Variants in SSBP2 observed in about 807,000 individuals in gnomAD.
The protein encoded by SSBP2 is single stranded DNA binding protein 2.
In SSBP2, 17 loss-of-function variants were observed where a neutral mutation model predicts 61.8. The ratio of observed to expected loss-of-function variants is 0.28; its 90% confidence interval spans 0.19 to 0.41. The LOEUF (loss-of-function observed/expected upper bound fraction) is 0.41. SSBP2 is among the 10% of genes least tolerant of loss of function. SSBP2 has a pLI of 1.00. For missense variants in SSBP2, 310 were observed against 458.7 expected, an observed-to-expected ratio of 0.68 and a Z score of 2.96; for synonymous variants, 139 against 141.3, an observed-to-expected ratio of 0.98 and a Z score of 0.12.
rs1761530468 is a variant in SSBP2, at chr5:81,420,503, A to C, written c.*1T>G. The C allele has an allele frequency of 6.2e-7, 1 of 1,613,804 alleles. No individual in the cohort carries two copies. Among genetic ancestry groups the C allele is most frequent in the Non-Finnish European group, 8.5e-7 (1 of 1,179,736 alleles). ...TTTTCATGAGGAGACTTGGTAATGG[A>C]TCACACGCTCATTGTCATGCTAGGG... On this transcript the variant is annotated 3_prime_UTR_variant, in exon 17 of 17. Coordinates refer to ENST00000320672, the MANE Select transcript of SSBP2 (RefSeq NM_012446.5).
intron 1 of SSBP2, among the ~76,000 whole-genome samples, chr5:81,735,109 G>A (rs1005424497): frequency 6.6e-6 from 1 of 152,010 alleles, no homozygotes; most frequent in Non-Finnish European, 1.5e-5. Flanking sequence ...AACAGCAATG[G>A]CTGCAAACTT....
intron 1 of SSBP2, among the ~76,000 whole-genome samples, chr5:81,702,418 G>A (rs571639950): frequency 6.6e-6 from 1 of 152,124 alleles, no homozygotes; most frequent in Admixed American, 6.5e-5. Flanking sequence ...TTTAGAAGAG[G>A]ACAAAAGCTA....
intron 4 of SSBP2, among the ~76,000 whole-genome samples, chr5:81,518,530 A>C (rs552755727): frequency 5.3e-5 from 8 of 152,228 alleles, no homozygotes; most frequent in Non-Finnish European, 1.0e-4. Context: ...CTGGTGCCTT[A>C]ATCTTGGACT....
At chr5:81,568,382 G>C (rs1161939172) in intron 4 of SSBP2, among the ~76,000 whole-genome samples, 1 of 152,152 alleles carries the variant, frequency 6.6e-6, no homozygotes, top group Non-Finnish European at 1.5e-5. Flanking sequence ...TGTAAGATGA[G>C]ACTTGCCTCC....
chr5:81,627,655 C>T (rs1361897890), intron 3 of SSBP2, among the ~76,000 whole-genome samples: 4 of 152,098 alleles, frequency 2.6e-5, no homozygotes, highest in Non-Finnish European at 4.4e-5. Flanking sequence ...TTAGAATAAT[C>T]TTATATTTTA....
At chr5:81,736,599 A>G (rs1484540521) in intron 1 of SSBP2, among the ~76,000 whole-genome samples, 1 of 152,056 alleles carries the variant, frequency 6.6e-6, no homozygotes, top group African/African-American at 2.4e-5. Context: ...TTATATGGTT[A>G]TTTTTATTTT....
intron 10 of SSBP2, among the ~76,000 whole-genome samples, chr5:81,457,946 G>A (rs1764277901): frequency 2.0e-5 from 3 of 152,138 alleles, no homozygotes; most frequent in Admixed American, 2.0e-4. Context: ...ACAGGTGTGA[G>A]CCACTGCACC....
intron 4 of SSBP2, among the ~76,000 whole-genome samples, chr5:81,531,044 ACAAAACCAAAC>A (rs1561507844): frequency 6.6e-6 from 1 of 151,814 alleles, no homozygotes. Context: ...CCCTATTTCT[ACAAAACCAAAC>A]CAAAACCAAA....
chr5:81,666,112 C>T (rs939805680), intron 1 of SSBP2, among the ~76,000 whole-genome samples: 1 of 152,076 alleles, frequency 6.6e-6, no homozygotes, highest in Non-Finnish European at 1.5e-5. Context: ...TTTTTAAGTT[C>T]CTCATTATTA....
At chr5:81,510,808 C>T (rs1053407310) in intron 5 of SSBP2, among the ~76,000 whole-genome samples, 1 of 152,086 alleles carries the variant, frequency 6.6e-6, no homozygotes, top group African/African-American at 2.4e-5. Flanking sequence ...CTCCTAAATT[C>T]TCTCCCTATC....
chr5:81,675,568 CATTT>C (rs1751907221), intron 1 of SSBP2, among the ~76,000 whole-genome samples: 1 of 152,164 alleles, frequency 6.6e-6, no homozygotes, highest in African/African-American at 2.4e-5. Context: ...CTTCAAACTT[CATTT>C]ATTTAAGAGG....
At chr5:81,444,689 C>T (rs1305841858) in intron 12 of SSBP2, among the ~76,000 whole-genome samples, 1 of 152,084 alleles carries the variant, frequency 6.6e-6, no homozygotes, top group African/African-American at 2.4e-5. Context: ...AATGGTTTTT[C>T]AACTGTATTG....
chr5:81,644,323 A>C (rs181892307), intron 2 of SSBP2, among the ~76,000 whole-genome samples: 2 of 152,232 alleles, frequency 1.3e-5, no homozygotes, highest in Non-Finnish European at 2.9e-5. Context: ...GGAATGGTGC[A>C]AAAGGAAGAA....
At chr5:81,635,004 G>A (rs1218626268) in intron 3 of SSBP2, among the ~76,000 whole-genome samples, 1 of 152,182 alleles carries the variant, frequency 6.6e-6, no homozygotes, top group Admixed American at 6.5e-5. Context: ...GGATGTGTGT[G>A]TGTTTTATTC....
At chr5:81,651,145 G>A (rs576624162) in intron 1 of SSBP2, among the ~76,000 whole-genome samples, 2 of 152,232 alleles carry the variant, frequency 1.3e-5, no homozygotes, top group Non-Finnish European at 2.9e-5. Context: ...GTCTGAGGCA[G>A]TATTTTTAAT....
intron 4 of SSBP2, among the ~76,000 whole-genome samples, chr5:81,593,966 G>A (rs1370466126): frequency 2.0e-5 from 3 of 152,312 alleles, no homozygotes; most frequent in African/African-American, 4.8e-5. Flanking sequence ...ACATCATAAT[G>A]ACAGGATCAA....
At chr5:81,744,268 CA>C (rs1403764298) in intron 1 of SSBP2, among the ~76,000 whole-genome samples, 5 of 152,092 alleles carry the variant, frequency 3.3e-5, no homozygotes, top group Non-Finnish European at 7.4e-5. Context: ...AAAATGAGAT[CA>C]TTTTTAAAAG....
intron 1 of SSBP2, 95 bp from the exon 2 acceptor site, chr5:81,650,434 C>A: frequency 1.4e-6 from 1 of 730,538 alleles, no homozygotes; most frequent in Admixed American, 3.8e-5. Flanking sequence ...ATCTTACACA[C>A]TAACAGTGAC....
chr5:81,470,376 T>G (rs191379787), intron 8 of SSBP2, among the ~76,000 whole-genome samples: 25 of 151,986 alleles, frequency 1.6e-4, no homozygotes, highest in African/African-American at 6.0e-4. Flanking sequence ...CTAATATACT[T>G]TCACTTTAAA....
Sources: gnomAD v4.1 joint callset for allele counts (sites outside exome capture counted in the v4.1 genomes callset) on GRCh38, gnomAD v4.1.1 for gene constraint, MANE v1.5 for transcripts, NCBI Gene and HGNC (gene_info 2026-07-23, HGNC 2026-07-21) for gene names.